The following LTBP1 variants were observed in gnomAD, a reference collection of about 807,000 sequenced individuals.
The protein encoded by LTBP1 is latent-transforming growth factor beta-binding protein 1.
LTBP1 carries 129 observed loss-of-function variants against 207.6 expected under a neutral mutation model. That is an observed-to-expected ratio of 0.62 (90% CI 0.54 to 0.72). The LOEUF (loss-of-function observed/expected upper bound fraction) is 0.72, where lower values mean the gene tolerates loss of function less well. Among genes scored for constraint, LTBP1 ranks in the 30% least tolerant of loss-of-function variants. The pLI is 0.00. For synonymous variants in LTBP1, 963 were observed against 833.7 expected (o/e 1.16, Z -2.67); for missense variants, 2,281 against 2,217.2 (o/e 1.03, Z -0.58).
chr2:33,369,562 A>C (rs1387096429), intron 31 of LTBP1, among the ~76,000 whole-genome samples: 1 of 139,546 alleles, frequency 7.2e-6, no homozygotes, highest in Non-Finnish European at 1.5e-5. Context: ...CCCCAAAGGA[A>C]CTTTTTTTAT....
At chr2:33,127,502 C>A (rs2081504237) in intron 4 of LTBP1, among the ~76,000 whole-genome samples, 1 of 152,162 alleles carries the variant, frequency 6.6e-6, no homozygotes, top group East Asian at 1.9e-4. Context: ...TCAGTTCATA[C>A]CAGGCCTCTT....
chr2:33,311,358 A>G (rs2094184911), intron 23 of LTBP1, among the ~76,000 whole-genome samples: 1 of 152,182 alleles, frequency 6.6e-6, no homozygotes, highest in Non-Finnish European at 1.5e-5. Context: ...TTTATTTGCC[A>G]TCCTCATGCA....
intron 26 of LTBP1, among the ~76,000 whole-genome samples, chr2:33,351,202 T>G (rs568504137): frequency 6.6e-6 from 1 of 152,336 alleles, no homozygotes; most frequent in East Asian, 1.9e-4. Context: ...ATCCTAGACT[T>G]CTGCATTTAG....
chr2:33,252,639 T>C (rs1198509766), intron 10 of LTBP1, 38 bp from the exon 11 acceptor site: 1 of 1,558,966 alleles, frequency 6.4e-7, no homozygotes, highest in African/African-American at 1.4e-5. Flanking sequence ...GTAGTTTTGG[T>C]TTCTCATGTA....
At chr2:33,394,090 C>CT (rs1306947049) in intron 32 of LTBP1, among the ~76,000 whole-genome samples, 1 of 152,128 alleles carries the variant, frequency 6.6e-6, no homozygotes, top group African/African-American at 2.4e-5. Context: ...TAAATGTCTT[C>CT]TTTTGAGAAG....
rs566282325 is a variant in LTBP1, at chr2:33,350,505, G to C, written c.4000+2995G>C. 3.9e-5 allele frequency among the ~76,000 whole-genome samples: 6 copies of C among 152,332 alleles called. No homozygotes were observed. The East Asian group carries it at 7.7e-4, about 20-fold the overall frequency. The stretch of plus-strand genomic sequence containing the variant: ...ACTGGCAGAAGAGCACCCACTTCCA[G>C]CAGGGTATTGCCCCAGATGAACCTT... On this transcript the variant is annotated intron_variant, in intron 26 of 33. Transcript: ENST00000404816.
At chr2:33,064,351 G>A (rs2077403072) in intron 3 of LTBP1, among the ~76,000 whole-genome samples, 1 of 152,128 alleles carries the variant, frequency 6.6e-6, no homozygotes, top group Non-Finnish European at 1.5e-5. Context: ...TATCTTGCTT[G>A]CAGGCTAAAA....
intron 3 of LTBP1, among the ~76,000 whole-genome samples, chr2:33,028,843 A>G (rs980005272): frequency 6.6e-6 from 1 of 152,228 alleles, no homozygotes; most frequent in African/African-American, 2.4e-5. Context: ...TGTGATAGAC[A>G]TAAGGCATGT....
intron 4 of LTBP1, among the ~76,000 whole-genome samples, chr2:33,116,392 G>A (rs1489512815): frequency 4.6e-5 from 7 of 152,080 alleles, no homozygotes; most frequent in East Asian, 1.9e-4. Flanking sequence ...GAAATTTTAC[G>A]TTTTAGGCAT....
intron 5 of LTBP1, among the ~76,000 whole-genome samples, chr2:33,153,138 C>T (rs1326899617): frequency 6.6e-6 from 1 of 152,166 alleles, no homozygotes; most frequent in Admixed American, 6.5e-5. Context: ...CAAGGATGTA[C>T]AGTATGTTCC....
At chr2:33,182,826 A>G (rs1320246160) in intron 5 of LTBP1, among the ~76,000 whole-genome samples, 2 of 150,896 alleles carry the variant, frequency 1.3e-5, no homozygotes, top group Non-Finnish European at 3.0e-5. Flanking sequence ...GCATCTTAAA[A>G]ATCAATTTAA....
At chr2:33,357,849 T>A (rs1370971433) in intron 26 of LTBP1, among the ~76,000 whole-genome samples, 2 of 152,212 alleles carry the variant, frequency 1.3e-5, no homozygotes, top group Non-Finnish European at 2.9e-5. Flanking sequence ...GAGTATTCAT[T>A]TTTTAGTGCT....
rs75917168 is a variant in LTBP1 at position 33,209,411 on chromosome 2, G to C, written c.1702-8141G>C. ...CTTGGTTCTCTGGCACCAAAACATA[G>C]CACCATGACAAGTACGATCGTGATG... On this transcript the variant is annotated intron_variant, in intron 7 of 33. Coordinates refer to ENST00000404816, the MANE Select transcript of LTBP1 (RefSeq NM_206943.4). Among the ~76,000 whole-genome samples, 512 of 152,228 alleles carry C rather than the reference G, an allele frequency of 3.4e-3. 4 individuals are homozygous for C. Among genetic ancestry groups the C allele is most frequent in the African/African-American group, 0.012 (492 of 41,532 alleles).
chr2:33,213,655 G>A (rs1483787832), intron 7 of LTBP1, among the ~76,000 whole-genome samples: 1 of 152,178 alleles, frequency 6.6e-6, no homozygotes, highest in African/African-American at 2.4e-5. Flanking sequence ...CCTGAGTATG[G>A]CCACAGAGAT....
intron 5 of LTBP1, among the ~76,000 whole-genome samples, chr2:33,176,872 A>G (rs1339445744): frequency 3.9e-5 from 6 of 152,056 alleles, no homozygotes; most frequent in Admixed American, 3.3e-4. Flanking sequence ...TGTTCTTCTC[A>G]TTGCGCCCTG....
intron 5 of LTBP1, among the ~76,000 whole-genome samples, chr2:33,178,556 T>C (rs191107136): frequency 6.6e-6 from 1 of 152,344 alleles, no homozygotes; most frequent in Non-Finnish European, 1.5e-5. Context: ...GTTGTTTGCA[T>C]TGAGGTTGAT....
chr2:33,347,893 C>T (rs1201063150), intron 26 of LTBP1, among the ~76,000 whole-genome samples: 2 of 152,174 alleles, frequency 1.3e-5, no homozygotes, highest in Non-Finnish European at 2.9e-5. Flanking sequence ...AGAAATGTGT[C>T]TTGACACTTC....
intron 15 of LTBP1, among the ~76,000 whole-genome samples, chr2:33,269,836 C>T (rs539148924): frequency 4.6e-5 from 7 of 151,996 alleles, no homozygotes; most frequent in Non-Finnish European, 1.0e-4. Flanking sequence ...GACTTGTGTA[C>T]TGTCTATGTG....
At chr2:33,360,941 G>T (rs2094920772) in intron 27 of LTBP1, among the ~76,000 whole-genome samples, 162 bp downstream of exon 27, 1 of 152,182 alleles carries the variant, frequency 6.6e-6, no homozygotes. Flanking sequence ...ATCTTAATAT[G>T]AATCCTTGAA....
Sources: gnomAD v4.1 joint callset for allele counts (sites outside exome capture counted in the v4.1 genomes callset) on GRCh38, gnomAD v4.1.1 for gene constraint, MANE v1.5 for transcripts, NCBI Gene and HGNC (gene_info 2026-07-23, HGNC 2026-07-21) for gene names.